The following EFNA5 variants were observed in gnomAD, a reference collection of about 807,000 sequenced individuals.
EFNA5 encodes ephrin-A5.
A neutral mutation model predicts 22.9 loss-of-function variants in EFNA5; 5 were observed. That is an observed-to-expected ratio of 0.22 (90% CI 0.11 to 0.46). EFNA5 has a LOEUF of 0.46. EFNA5 is among the 20% of genes least tolerant of loss of function. The probability of loss-of-function intolerance (pLI) is 0.99; values close to 1 mark genes in which losing one functional copy is unlikely to be tolerated. For missense variants in EFNA5, 237 were observed against 293.3 expected (o/e 0.81, Z 1.40); for synonymous variants, 113 against 112.2 (o/e 1.01, Z -0.04).
chr5:107,578,042 C>A (rs1171482163), intron 1 of EFNA5, among the ~76,000 whole-genome samples: 1 of 152,140 alleles, frequency 6.6e-6, no homozygotes, highest in African/African-American at 2.4e-5. Context: ...GGTGAGGCCT[C>A]TACTCTCTCG....
At chr5:107,661,114 TAAA>T (rs746307081) in intron 1 of EFNA5, among the ~76,000 whole-genome samples, 17 of 130,196 alleles carry the variant, frequency 1.3e-4, no homozygotes, top group Non-Finnish European at 2.1e-4. Context: ...ATCTGTCTGT[TAAA>T]AAAAAAAAAA....
intron 1 of EFNA5, among the ~76,000 whole-genome samples, chr5:107,582,894 G>T (rs1749100577): frequency 6.6e-6 from 1 of 151,926 alleles, no homozygotes; most frequent in Admixed American, 6.6e-5. Flanking sequence ...GCTTTTCACA[G>T]AAACAGCTGT....
chr5:107,593,509 T>C (rs568635983), intron 1 of EFNA5, among the ~76,000 whole-genome samples: 34 of 152,258 alleles, frequency 2.2e-4, no homozygotes, highest in African/African-American at 8.2e-4. Context: ...GTCAGAGATG[T>C]TCAAACCTCG....
chr5:107,539,817 G>A (rs1748008813), intron 1 of EFNA5, among the ~76,000 whole-genome samples: 1 of 152,136 alleles, frequency 6.6e-6, no homozygotes, highest in African/African-American at 2.4e-5. Context: ...TGACTCTATG[G>A]TTATTTAACT....
At chr5:107,662,872 G>C (rs1750992305) in intron 1 of EFNA5, among the ~76,000 whole-genome samples, 1 of 151,406 alleles carries the variant, frequency 6.6e-6, no homozygotes, top group South Asian at 2.1e-4. Context: ...TTTGAGGGTG[G>C]AGGTGACAAT....
At chr5:107,457,761 T>C (rs1749731780) in intron 1 of EFNA5, among the ~76,000 whole-genome samples, 1 of 152,182 alleles carries the variant, frequency 6.6e-6, no homozygotes, top group Admixed American at 6.5e-5. Flanking sequence ...CTGTACTATC[T>C]GCTCAATTTC....
At chr5:107,572,265 AC>A (rs1404091925) in intron 1 of EFNA5, among the ~76,000 whole-genome samples, 1 of 151,902 alleles carries the variant, frequency 6.6e-6, no homozygotes, top group Non-Finnish European at 1.5e-5. Context: ...TCTGGTTTAG[AC>A]CGGGGGAAGG....
chr5:107,625,321 A>C (rs1161592318), intron 1 of EFNA5, among the ~76,000 whole-genome samples: 2 of 152,118 alleles, frequency 1.3e-5, no homozygotes, highest in Admixed American at 6.5e-5. Context: ...TCTTATATGC[A>C]GCTACCACCA....
chr5:107,502,643 A>G (rs1747161770), intron 1 of EFNA5, among the ~76,000 whole-genome samples: 1 of 152,188 alleles, frequency 6.6e-6, no homozygotes, highest in African/African-American at 2.4e-5. Flanking sequence ...TGCAAAGGAG[A>G]ACGTGGCCGT....
At chr5:107,476,784 G>A (rs1167690207) in intron 1 of EFNA5, among the ~76,000 whole-genome samples, 1 of 149,258 alleles carries the variant, frequency 6.7e-6, no homozygotes, top group Non-Finnish European at 1.5e-5. Context: ...AAACTGTGTT[G>A]TCACAGTGTA....
chr5:107,388,907 C>G (rs893769328), intron 2 of EFNA5, among the ~76,000 whole-genome samples: 3 of 152,068 alleles, frequency 2.0e-5, no homozygotes, highest in African/African-American at 7.2e-5. Context: ...GCTGAGAACA[C>G]AAAAATGCTT....
intron 1 of EFNA5, among the ~76,000 whole-genome samples, chr5:107,569,559 T>TTATATATATATATA (rs70996962): frequency 0.014 from 574 of 42,060 alleles, 18 homozygotes; most frequent in Non-Finnish European, 0.02. Context: ...ATATATATAT[T>TTATATATATATATA]TATATATATA....
intron 2 of EFNA5, among the ~76,000 whole-genome samples, chr5:107,413,040 A>G (rs2112404328): frequency 6.6e-6 from 1 of 152,310 alleles, no homozygotes; most frequent in East Asian, 1.9e-4. Flanking sequence ...CCTTTCAAAT[A>G]TCAATATTAA....
chr5:107,493,039 T>C (rs1442226455), intron 1 of EFNA5, among the ~76,000 whole-genome samples: 1 of 151,996 alleles, frequency 6.6e-6, no homozygotes, highest in Non-Finnish European at 1.5e-5. Context: ...TGTAAGATTT[T>C]TTTTCAACAG....
intron 1 of EFNA5, among the ~76,000 whole-genome samples, chr5:107,663,034 T>C (rs1026039279): frequency 6.6e-6 from 1 of 152,092 alleles, no homozygotes. Context: ...AACATCCTTT[T>C]CTGTCAACTA....
chr5:107,633,874 T>G (rs543951701), intron 1 of EFNA5, among the ~76,000 whole-genome samples: 2 of 152,298 alleles, frequency 1.3e-5, no homozygotes, highest in East Asian at 3.9e-4. Flanking sequence ...TCTTTCTTTC[T>G]TTTATTTTTG....
chr5:107,520,913 A>G (rs2112442957), intron 1 of EFNA5, among the ~76,000 whole-genome samples: 1 of 152,338 alleles, frequency 6.6e-6, no homozygotes, highest in East Asian at 1.9e-4. Flanking sequence ...ATTTAAATGT[A>G]TCATACTAAA....
At chr5:107,391,520 G>C (rs1747794258) in intron 2 of EFNA5, among the ~76,000 whole-genome samples, 3 of 150,898 alleles carry the variant, frequency 2.0e-5, no homozygotes, top group African/African-American at 7.3e-5. Context: ...GCAAACAGGT[G>C]AAAAAAAAAT....
chr5:107,583,329 C>T (rs1415062355), intron 1 of EFNA5, among the ~76,000 whole-genome samples: 5 of 152,108 alleles, frequency 3.3e-5, no homozygotes, highest in African/African-American at 1.2e-4. Context: ...ACAAAATATT[C>T]TGGTTCAGAC....
Sources: allele counts gnomAD v4.1 joint callset (sites outside exome capture counted in the v4.1 genomes callset), GRCh38; gene constraint gnomAD v4.1.1; transcripts MANE v1.5; gene names NCBI Gene and HGNC (gene_info 2026-07-23, HGNC 2026-07-21).